The following PCDHGB5 variants were observed in gnomAD, a reference collection of about 807,000 sequenced individuals.
The protein encoded by PCDHGB5 is protocadherin gamma subfamily B, 5.
A neutral mutation model predicts 62.9 loss-of-function variants in PCDHGB5; 48 were observed. The observed-to-expected ratio is 0.76, with a 90% CI of 0.61 to 0.97. PCDHGB5 has a LOEUF of 0.97. PCDHGB5 is among the 50% of genes least tolerant of loss of function. The pLI, the probability that PCDHGB5 is intolerant of heterozygous loss-of-function variation, is 0.00. For synonymous variants in PCDHGB5, 474 were observed against 511.2 expected (o/e 0.93, Z 0.98); for missense variants, 1,118 against 1,198.6 (o/e 0.93, Z 0.99).
rs1326296096 is a variant in PCDHGB5, at chr5:141,505,460, A to G, written c.2524A>G (p.Met842Val). The change falls in exon 3 of 4, where the codon ATG becomes GTG. Residue 842 changes from methionine to valine, a missense_variant. Transcript: ENST00000617380. Reference protein sequence around the residue: ...NQFDTEMLQAMILASASEAAD... With the variant: ...NQFDTEMLQAVILASASEAAD... ...GTTTGACACAGAGATGCTGCAAGCC[A>G]TGATCTTGGCGTCCGCCAGTGGTAA... 2 of 1,614,070 alleles carry G rather than the reference A, an allele frequency of 1.2e-6. No homozygotes were observed. The highest frequency in any genetic ancestry group is 1.3e-5 in the African/African-American group (1 of 74,942).
rs539038497 is a variant in PCDHGB5 at position 141,420,464 on chromosome 5, C to T, written c.2397+19940C>T. 2.0e-4 allele frequency: 164 copies of T among 801,490 alleles called. 1 individual carries two copies. In the South Asian group the frequency reaches 6.4e-3, roughly 31 times the overall value. 49.6% of individuals were successfully genotyped at this position (801,490 alleles called of 1,614,324 possible). ...CCTCAGTCTTCCTACTATTCAAAGA[C>T]ATTTTAAAGCAAACTACATGGGTAA... On this transcript the variant is annotated intron_variant, in intron 1 of 3. Transcript: ENST00000617380.
chr5:141,398,692 AG>A lies in PCDHGB5; in HGVS notation c.566del (p.Ser189IlefsTer12). ...AATAATTAAGGAGAAACAGGATGGT[AG>A]TAAATACCCGGAACTGGCACTGGAG... ...SLIIKEKQDG[S>X]KYPELALEKT... On this transcript the variant is annotated frameshift_variant, in exon 1 of 4. Coordinates refer to ENST00000617380, the MANE Select transcript of PCDHGB5 (RefSeq NM_018925.3). LOFTEE classifies it high-confidence loss of function. 6.2e-7 allele frequency: 1 copy of A among 1,613,942 alleles called. No homozygotes were observed. The highest frequency in any genetic ancestry group is 8.5e-7 in the Non-Finnish European group (1 of 1,179,898).
At position 141,427,886 on chromosome 5, in the gene PCDHGB5, C is replaced by T. The variant is rs908553179; in HGVS notation, c.2397+27362C>T. The T allele has an allele frequency of 1.9e-6, 3 of 1,565,276 alleles. 1 individual carries two copies. On this transcript the variant is annotated intron_variant, in intron 1 of 3. Coordinates refer to ENST00000617380, the MANE Select transcript of PCDHGB5 (RefSeq NM_018925.3). ...TCGAGCTCACGATGCAGGCCCACGA[C>T]CAGGGCTCGCCCGCGCTCAGCGCCA...
chr5:141,511,135 G>A lies in PCDHGB5; in HGVS notation c.2734G>A (p.Gly912Ser), dbSNP rs200541479. Residue 912 changes from glycine to serine, a missense_variant, in exon 4 of 4, where the codon GGC becomes AGC. Physicochemically the swap from Gly to Ser is moderately conservative, Grantham distance 56. Coordinates refer to ENST00000617380, the MANE Select transcript of PCDHGB5 (RefSeq NM_018925.3). The stretch of plus-strand genomic sequence containing the variant: ...TGGCAAGGCCCCAGCAGGTGGCAAT[G>A]GCAACAAGAAGAAGTCGGGCAAGAA... ...RDGKAPAGGN[G>S]NKKKSGKKEK... 2.8e-4 allele frequency: 448 copies of A among 1,614,188 alleles called. No homozygotes were observed. Among genetic ancestry groups the A allele is most frequent in the Non-Finnish European group, 3.0e-4 (352 of 1,180,016 alleles).
intron 1 of PCDHGB5, among the ~76,000 whole-genome samples, chr5:141,465,348 A>C (rs886810999): frequency 6.6e-6 from 1 of 152,158 alleles, no homozygotes; most frequent in African/African-American, 2.4e-5. Context: ...GTTACTGAAG[A>C]AAAAATGGGT....
At chr5:141,418,594 C>A in intron 1 of PCDHGB5, 4 of 1,614,022 alleles carry the variant, frequency 2.5e-6, no homozygotes, top group Non-Finnish European at 3.4e-6. Context: ...TCAGCCAGGA[C>A]GTGTACAGGG....
At chr5:141,428,750 C>G (rs1282306626) in intron 1 of PCDHGB5, 1 of 154,730 alleles carries the variant, frequency 6.5e-6, no homozygotes, top group African/African-American at 2.4e-5. Flanking sequence ...ACTATTGCTT[C>G]AGGTTTGTTT....
At position 141,426,439 on chromosome 5, in the gene PCDHGB5, G is replaced by C. The variant is rs149215795; in HGVS notation, c.2397+25915G>C. On this transcript the variant is annotated intron_variant, in intron 1 of 3. Transcript: ENST00000617380. ...GGGCTCCGTGGTGGGGAACCTTGCG[G>C]AGGACATGCGGCTGCATGTTCAGGA... 7.8e-4 allele frequency: 237 copies of C among 302,398 alleles called. 1 individual carries two copies. The highest frequency in any genetic ancestry group is 4.6e-3 in the African/African-American group (214 of 46,260). The allele number at this position is 302,398 out of a possible 1,614,324, so 18.7% of individuals were successfully genotyped here.
rs193229261 is a variant in PCDHGB5, at chr5:141,446,714, G to A, written c.2397+46190G>A. ...GCTGGTCTCGAACTCTGATCTGCCCGCCTCGGCCTCCCAAAGTGTGGGGAT... is the reference window on the plus strand; with the variant it reads ...GCTGGTCTCGAACTCTGATCTGCCCACCTCGGCCTCCCAAAGTGTGGGGAT... On this transcript the variant is annotated intron_variant, in intron 1 of 3. Transcript: ENST00000617380. Among the ~76,000 whole-genome samples the A allele has an allele frequency of 3.3e-3, 497 of 152,154 alleles. 2 individuals are homozygous for A. Among genetic ancestry groups the A allele is most frequent in the African/African-American group, 0.011 (450 of 41,528 alleles).
chr5:141,507,736 G>A (rs1562231670), intron 3 of PCDHGB5, among the ~76,000 whole-genome samples: 1 of 152,240 alleles, frequency 6.6e-6, no homozygotes. Flanking sequence ...CATGCAGCTC[G>A]TTCCCCTGTC....
At chr5:141,457,422 T>TC (rs1038085994) in intron 1 of PCDHGB5, among the ~76,000 whole-genome samples, 6 of 151,626 alleles carry the variant, frequency 4.0e-5, no homozygotes, top group African/African-American at 7.3e-5. Flanking sequence ...CATCCCTTTT[T>TC]CCCCCCCACC....
intron 2 of PCDHGB5, among the ~76,000 whole-genome samples, chr5:141,500,421 G>A (rs1247202322): frequency 6.6e-6 from 1 of 151,852 alleles, no homozygotes; most frequent in Non-Finnish European, 1.5e-5. Flanking sequence ...GTGTTAGCCA[G>A]GATGGTCTCG....
At chr5:141,441,878 TG>T in intron 1 of PCDHGB5, 1 of 343,708 alleles carries the variant, frequency 2.9e-6, no homozygotes, top group Non-Finnish European at 5.6e-6. Context: ...CCTGGCTACC[TG>T]GTCACCAAGG....
At chr5:141,506,351 A>G (rs1029519620) in intron 3 of PCDHGB5, among the ~76,000 whole-genome samples, 2 of 150,784 alleles carry the variant, frequency 1.3e-5, no homozygotes, top group African/African-American at 4.9e-5. Context: ...TGGGAGGCTG[A>G]GGCAGGAGAA....
rs373297942 is a variant in PCDHGB5, at chr5:141,431,494, C to T, written c.2397+30970C>T. On this transcript the variant is annotated intron_variant, in intron 1 of 3. Coordinates refer to ENST00000617380, the MANE Select transcript of PCDHGB5 (RefSeq NM_018925.3). This position sits in a 1 kb window ranked among gnomAD's most constrained non-coding sequence, Gnocchi z 4.8. ...ACAACGCACCAGCGTTTGCTCAGCC[C>T]GAGTACCGCGCGAGCGTTCCGGAGA... 107 of 1,613,838 alleles carry T rather than the reference C, an allele frequency of 6.6e-5. No homozygotes were observed. Among genetic ancestry groups the T allele is most frequent in the Middle Eastern group, 1.6e-4 (1 of 6,084 alleles).
chr5:141,468,820 C>G (rs1055751689), intron 1 of PCDHGB5, among the ~76,000 whole-genome samples: 1 of 151,830 alleles, frequency 6.6e-6, no homozygotes, highest in Non-Finnish European at 1.5e-5. Context: ...GAGCCAAGAT[C>G]AAGCCACTGC....
intron 1 of PCDHGB5, among the ~76,000 whole-genome samples, chr5:141,462,203 G>A (rs544238255): frequency 2.6e-5 from 4 of 152,036 alleles, no homozygotes; most frequent in East Asian, 1.9e-4. Flanking sequence ...CAGGTGATCC[G>A]CCTGCCTCGG....
At position 141,460,912 on chromosome 5, in the gene PCDHGB5, G is replaced by GTA. The variant is rs34683754; in HGVS notation, c.2398-33883_2398-33882dup. ...TCGTGGCTGAGTAATATTCCATGGT[G>GTA]TATATATATATATGTGTGTGTGTAT... On this transcript the variant is annotated intron_variant, in intron 1 of 3. Coordinates refer to ENST00000617380, the MANE Select transcript of PCDHGB5 (RefSeq NM_018925.3). Among the ~76,000 whole-genome samples, 731 of 149,318 alleles carry GTA rather than the reference G, an allele frequency of 4.9e-3. 9 individuals carry two copies. Among genetic ancestry groups the GTA allele is most frequent in the African/African-American group, 0.016 (631 of 40,624 alleles).
At chr5:141,403,646 G>A in intron 1 of PCDHGB5, 1 of 1,613,950 alleles carries the variant, frequency 6.2e-7, no homozygotes, top group Non-Finnish European at 8.5e-7. Context: ...CCATGTGACA[G>A]TGTTGGATAC....
Sources: allele counts gnomAD v4.1 joint callset (sites outside exome capture counted in the v4.1 genomes callset), GRCh38; gene constraint gnomAD v4.1.1; non-coding constraint Gnocchi (gnomAD v3.1); transcripts MANE v1.5; gene names NCBI Gene and HGNC (gene_info 2026-07-23, HGNC 2026-07-21).